The following DCLK1 variants were observed in gnomAD, a reference collection of about 807,000 sequenced individuals.
The protein encoded by DCLK1 is doublecortin like kinase 1.
Under a neutral mutation model 86.2 loss-of-function variants are expected in DCLK1, and 16 were observed. The observed-to-expected ratio is 0.19, with a 90% confidence interval of 0.13 to 0.28. DCLK1 has a LOEUF of 0.28. Among genes scored for constraint, DCLK1 ranks in the 10% least tolerant of loss-of-function variants. The pLI, the probability that DCLK1 is intolerant of heterozygous loss-of-function variation, is 1.00. For synonymous variants in DCLK1, 369 were observed against 370.5 expected (o/e 1.00, Z 0.05); for missense variants, 590 against 940.2 (o/e 0.63, Z 4.87).
chr13:36,118,075 A>T (rs905626811), intron 2 of DCLK1, among the ~76,000 whole-genome samples: 9 of 113,308 alleles, frequency 7.9e-5, no homozygotes, highest in Non-Finnish European at 1.6e-4. Flanking sequence ...GATATATTAA[A>T]ACATTTTCTC....
chr13:35,970,044 A>G (rs949360473), intron 3 of DCLK1, among the ~76,000 whole-genome samples: 7 of 152,166 alleles, frequency 4.6e-5, no homozygotes, highest in Admixed American at 6.5e-5. Flanking sequence ...CACTCAGTCT[A>G]TGGTATTTTG....
intron 6 of DCLK1, among the ~76,000 whole-genome samples, chr13:35,845,636 AAGGTAG>A (rs1214271142): frequency 6.6e-6 from 1 of 152,230 alleles, no homozygotes; most frequent in Admixed American, 6.5e-5. Flanking sequence ...CCCTGAAAGG[AAGGTAG>A]AGTCCTGATT....
chr13:36,115,403 T>G (rs1027182423), intron 2 of DCLK1, among the ~76,000 whole-genome samples: 5 of 152,164 alleles, frequency 3.3e-5, no homozygotes, highest in African/African-American at 9.7e-5. Context: ...TTTGGAAGCT[T>G]TGCATTACTT....
intron 4 of DCLK1, among the ~76,000 whole-genome samples, chr13:35,897,854 A>T (rs1176479929): frequency 1.3e-5 from 2 of 152,192 alleles, no homozygotes; most frequent in Non-Finnish European, 2.9e-5. Flanking sequence ...TGTACTTGAT[A>T]GTCGTACTTA....
intron 3 of DCLK1, among the ~76,000 whole-genome samples, chr13:36,096,661 A>T (rs1885031268): frequency 6.6e-6 from 1 of 152,232 alleles, no homozygotes; most frequent in Non-Finnish European, 1.5e-5. Flanking sequence ...AAGCACATGG[A>T]AGCCATATTT....
chr13:35,860,671 A>G (rs1331997993), intron 5 of DCLK1, among the ~76,000 whole-genome samples: 1 of 152,216 alleles, frequency 6.6e-6, no homozygotes, highest in Non-Finnish European at 1.5e-5. Flanking sequence ...TCATGTGGTC[A>G]ACATTTACCC....
chr13:36,052,028 T>C (rs1883140517), intron 3 of DCLK1, among the ~76,000 whole-genome samples: 1 of 152,136 alleles, frequency 6.6e-6, no homozygotes, highest in Non-Finnish European at 1.5e-5. Context: ...GCCCCCCAGG[T>C]GATTTGGAAT....
intron 15 of DCLK1, among the ~76,000 whole-genome samples, chr13:35,800,492 G>C (rs1566539028): frequency 6.6e-6 from 1 of 152,150 alleles, no homozygotes; most frequent in Non-Finnish European, 1.5e-5. Flanking sequence ...ACCATCCATA[G>C]AGAGGCCTCG....
chr13:35,880,888 C>T (rs1872852817), intron 4 of DCLK1, among the ~76,000 whole-genome samples: 2 of 152,126 alleles, frequency 1.3e-5, no homozygotes. Flanking sequence ...ATAAAAAACC[C>T]ATGTGTCTTC....
At chr13:35,885,977 A>C (rs1431368017) in intron 4 of DCLK1, among the ~76,000 whole-genome samples, 1 of 151,800 alleles carries the variant, frequency 6.6e-6, no homozygotes, top group Non-Finnish European at 1.5e-5. Flanking sequence ...GACAGCAGGG[A>C]AAGCTGCTAG....
Position 35,992,929 on chromosome 13 carries a change from A to G in DCLK1, c.724-45472T>C, listed in dbSNP as rs567043631. On this transcript the variant is annotated intron_variant, in intron 3 of 16. Coordinates refer to ENST00000360631, the MANE Select transcript of DCLK1 (RefSeq NM_001330071.2). ...CCCCATCAGTGATCTCCAGTCTCTA[A>G]TCGATTATACACATGAAGCTACTGC... is the stretch of plus-strand genomic sequence containing the variant. 2.0e-5 allele frequency among the ~76,000 whole-genome samples: 3 copies of G among 152,100 alleles called. No homozygotes were observed. The South Asian group carries it at 6.2e-4, about 32-fold the overall frequency.
At chr13:35,862,032 C>CAAAAAAAAA (rs36091477) in intron 5 of DCLK1, among the ~76,000 whole-genome samples, 6 of 71,138 alleles carry the variant, frequency 8.4e-5, no homozygotes, top group Non-Finnish European at 1.3e-4. Context: ...GACTCCGTCT[C>CAAAAAAAAA]AAAAAAAAAA....
intron 2 of DCLK1, among the ~76,000 whole-genome samples, chr13:36,117,563 A>G (rs181988110): frequency 3.3e-5 from 5 of 152,342 alleles, no homozygotes; most frequent in Admixed American, 6.5e-5. Flanking sequence ...AAAAAGTAAC[A>G]TGGAAAACTA....
In DCLK1 at chr13:35,770,997, A is replaced by G. The variant is rs1031334495; in HGVS notation, c.*3538T>C. ...TAGAAATGCTGACAGATCCTAACCC[A>G]GAGAAGGGCTAAGAGCAACACAGTA... On this transcript the variant is annotated 3_prime_UTR_variant, in exon 17 of 17. Coordinates refer to ENST00000360631, the MANE Select transcript of DCLK1 (RefSeq NM_001330071.2). The G allele has an allele frequency of 6.6e-6, 1 of 152,216 alleles. No homozygotes were observed. Among genetic ancestry groups the G allele is most frequent in the Non-Finnish European group, 1.5e-5 (1 of 68,042 alleles). 9.4% of individuals were successfully genotyped at this position (152,216 alleles called of 1,614,324 possible). A position where few individuals can be genotyped will look rare whatever the true frequency, so the allele number is the denominator to read the frequency against.
rs1878239207 is a variant in DCLK1 at position 35,958,279 on chromosome 13, T to TCACCAC, written c.724-10823_724-10822insGTGGTG. 3.6e-4 allele frequency among the ~76,000 whole-genome samples: 3 copies of TCACCAC among 8,264 alleles called. 1 individual carries two copies. Among genetic ancestry groups the TCACCAC allele is most frequent in the African/African-American group, 1.5e-3 (3 of 1,962 alleles). 5.4% of individuals were successfully genotyped at this position (8,264 alleles called of 152,430 possible). A position where few individuals can be genotyped will look rare whatever the true frequency, so the allele number is the denominator to read the frequency against. On this transcript the variant is annotated intron_variant, in intron 3 of 16. Transcript: ENST00000360631. ...ACCACTACTATAACCATTACCACCATCACTGCCACTATAACCACTATAATA... is the reference window on the plus strand; with the variant it reads ...ACCACTACTATAACCATTACCACCATCACCACCACTGCCACTATAACCACTATAATA...
intron 15 of DCLK1, among the ~76,000 whole-genome samples, chr13:35,795,395 C>A (rs1013152547): frequency 6.6e-6 from 1 of 152,168 alleles, no homozygotes; most frequent in African/African-American, 2.4e-5. Context: ...AGAATTGAAG[C>A]CTTCATCTCC....
chr13:36,066,743 C>T (rs551691204), intron 3 of DCLK1, among the ~76,000 whole-genome samples: 85 of 152,116 alleles, frequency 5.6e-4, no homozygotes, highest in African/African-American at 1.8e-3. Flanking sequence ...AACAAGTGGG[C>T]GAAGGACATG....
chr13:35,906,494 C>T (rs544687832), intron 4 of DCLK1, among the ~76,000 whole-genome samples: 9 of 152,160 alleles, frequency 5.9e-5, no homozygotes, highest in Admixed American at 5.2e-4. Flanking sequence ...ACAGAAATTG[C>T]ATTTGTGCTA....
Position 35,770,145 on chromosome 13 carries a change from T to C in DCLK1, c.*4390A>G, listed in dbSNP as rs1467977384. 6.6e-6 allele frequency: 1 copy of C among 152,188 alleles called. No homozygotes were observed. The highest frequency in any genetic ancestry group is 1.5e-5 in the Non-Finnish European group (1 of 68,032). 9.4% of individuals were successfully genotyped at this position (152,188 alleles called of 1,614,324 possible). A position where few individuals can be genotyped will look rare whatever the true frequency, so the allele number is the denominator to read the frequency against. On this transcript the variant is annotated 3_prime_UTR_variant, in exon 17 of 17. Coordinates refer to ENST00000360631, the MANE Select transcript of DCLK1 (RefSeq NM_001330071.2). Reference sequence around the variant, plus strand: ...AGACTGGCTTAAAAGCACCTCCTCCTCTAGTGTGTAATTACATACAAACTA... The same window carrying C: ...AGACTGGCTTAAAAGCACCTCCTCCCCTAGTGTGTAATTACATACAAACTA...
Sources: allele counts gnomAD v4.1 joint callset (sites outside exome capture counted in the v4.1 genomes callset), GRCh38; gene constraint gnomAD v4.1.1; transcripts MANE v1.5; gene names NCBI Gene and HGNC (gene_info 2026-07-23, HGNC 2026-07-21).